Variants in PRKCQ observed in about 807,000 individuals in gnomAD.
PRKCQ encodes protein kinase C theta type.
A neutral mutation model predicts 91.2 loss-of-function variants in PRKCQ; 41 were observed. The ratio of observed to expected loss-of-function variants is 0.45; its 90% CI spans 0.35 to 0.58. The LOEUF is 0.58. PRKCQ is among the 20% of genes least tolerant of loss of function. The pLI is 0.00. For synonymous variants in PRKCQ, 307 were observed against 316.9 expected, an observed-to-expected ratio of 0.97 and a Z score of 0.33; for missense variants, 673 against 896.5, an observed-to-expected ratio of 0.75 and a Z score of 3.18.
the PRKCQ span, among the ~76,000 whole-genome samples, chr10:6,403,771 G>A: frequency 1.1e-3 from 166 of 151,996 alleles, no homozygotes; most frequent in Non-Finnish European, 1.3e-4. Flanking sequence ...ACTGAATTTT[G>A]TATTCCCAGT....
At chr10:6,531,231 T>C (rs1160947239) in intron 1 of PRKCQ, among the ~76,000 whole-genome samples, 2 of 152,020 alleles carry the variant, frequency 1.3e-5, no homozygotes, top group Non-Finnish European at 2.9e-5. Flanking sequence ...AAAGCTGCCC[T>C]GGAGTCAGCT....
At chr10:6,517,292 T>C (rs1482675920) in intron 1 of PRKCQ, among the ~76,000 whole-genome samples, 1 of 152,008 alleles carries the variant, frequency 6.6e-6, no homozygotes, top group East Asian at 1.9e-4. Flanking sequence ...AGAAATCAGT[T>C]ACTATTCTGA....
Position 6,427,697 on chromosome 10 carries a change from C to A in PRKCQ, c.*510G>T. 6.5e-6 allele frequency: 1 copy of A among 154,500 alleles called. No homozygotes were observed. Among genetic ancestry groups the A allele is most frequent in the Non-Finnish European group, 1.4e-5 (1 of 69,392 alleles). 9.6% of individuals were successfully genotyped at this position (154,500 alleles called of 1,614,324 possible). On this transcript the variant is annotated 3_prime_UTR_variant, in exon 18 of 18. Transcript: ENST00000263125. ...CCATAAAAACCTATCCAGGGCTGGC[C>A]CCCCAGCCATTTACACATCCACAGA...
chr10:6,564,010 C>T (rs1009003598), intron 1 of PRKCQ, among the ~76,000 whole-genome samples: 2 of 152,280 alleles, frequency 1.3e-5, no homozygotes, highest in Non-Finnish European at 2.9e-5. Flanking sequence ...TGAGGAAGTG[C>T]ACTCAGGCCT....
At chr10:6,555,399 A>G (rs771096118) in intron 1 of PRKCQ, among the ~76,000 whole-genome samples, 6 of 152,216 alleles carry the variant, frequency 3.9e-5, no homozygotes, top group Non-Finnish European at 8.8e-5. Flanking sequence ...TTCCTAAATG[A>G]TGCGTACACA....
intron 1 of PRKCQ, among the ~76,000 whole-genome samples, chr10:6,575,551 C>T (rs1841197318): frequency 6.6e-6 from 1 of 152,182 alleles, no homozygotes; most frequent in African/African-American, 2.4e-5. Context: ...CCTAGTCCCT[C>T]AGGTGCTGTG....
intron 8 of PRKCQ, 106 bp from the exon 9 acceptor site, chr10:6,486,250 A>C: frequency 2.3e-6 from 2 of 885,470 alleles, no homozygotes; most frequent in Non-Finnish European, 3.6e-6. Flanking sequence ...AGGAAAGCCT[A>C]AAGTGCCACG....
At chr10:6,490,515 C>G (rs563083449) in intron 8 of PRKCQ, among the ~76,000 whole-genome samples, 1 of 148,556 alleles carries the variant, frequency 6.7e-6, no homozygotes, top group Admixed American at 6.8e-5. Context: ...CGCTTGAACC[C>G]AGGAGTTTGA....
rs199890234 is a variant in PRKCQ at position 6,430,905 on chromosome 10, C to T, written c.1870G>A (p.Val624Met). ...FVREPEKRLG[V>M]RGDIRQHPLF... ...GGGTGCTGGCGGATGTCTCCCCTCA[C>T]GCCCAGCCTCTTCTCAGGTTCTCGC... is the stretch of plus-strand genomic sequence containing the variant. Residue 624 changes from valine (V) to methionine (M), a missense_variant, in exon 17 of 18, where the codon GTG becomes ATG. Val to Met is a conservative substitution (Grantham distance 21). Coordinates refer to ENST00000263125, the MANE Select transcript of PRKCQ (RefSeq NM_006257.5). This position sits in a 1 kb window ranked among gnomAD's most constrained non-coding sequence, Gnocchi z 4.7. 5.9e-5 allele frequency: 96 copies of T among 1,614,190 alleles called. No individual in the cohort carries two copies. Among genetic ancestry groups the T allele is most frequent in the Admixed American group, 3.0e-4 (18 of 60,026 alleles).
At chr10:6,554,348 G>T (rs1483967119) in intron 1 of PRKCQ, among the ~76,000 whole-genome samples, 1 of 152,078 alleles carries the variant, frequency 6.6e-6, no homozygotes, top group Non-Finnish European at 1.5e-5. Flanking sequence ...ATTAAAGTGT[G>T]GTTGGAACTG....
chr10:6,446,654 C>T (rs1392769690), intron 15 of PRKCQ, among the ~76,000 whole-genome samples: 2 of 151,894 alleles, frequency 1.3e-5, no homozygotes, highest in Non-Finnish European at 2.9e-5. Flanking sequence ...GCATGAGCCA[C>T]CATGCCCGGC....
intron 8 of PRKCQ, among the ~76,000 whole-genome samples, chr10:6,490,150 C>T (rs991965943): frequency 3.3e-5 from 5 of 152,034 alleles, no homozygotes; most frequent in African/African-American, 4.8e-5. Flanking sequence ...GGGCCAGGAA[C>T]GGATTCTTGA....
At position 6,565,028 on chromosome 10, in the gene PRKCQ, G is replaced by A. The variant is rs541781314; in HGVS notation, c.-10+15183C>T. On this transcript the variant is annotated intron_variant, in intron 1 of 17. Coordinates refer to ENST00000263125, the MANE Select transcript of PRKCQ (RefSeq NM_006257.5). ...CTATCTTGCAAAAGACTAAGAAAAT[G>A]TGGCATGTGGATTAAAATTCCCTGG... Among the ~76,000 whole-genome samples the A allele has an allele frequency of 5.3e-5, 8 of 152,346 alleles. No homozygotes were observed. The South Asian group carries it at 1.7e-3, about 32-fold the overall frequency.
At chr10:6,562,397 G>A (rs566626504) in intron 1 of PRKCQ, among the ~76,000 whole-genome samples, 7 of 152,126 alleles carry the variant, frequency 4.6e-5, no homozygotes, top group South Asian at 4.1e-4. Flanking sequence ...AGAGACGCAC[G>A]CTTCAGGGCC....
chr10:6,511,817 A>G (rs1358620844), intron 2 of PRKCQ, among the ~76,000 whole-genome samples: 2 of 152,182 alleles, frequency 1.3e-5, no homozygotes, highest in Non-Finnish European at 2.9e-5. Context: ...AGATAAAACA[A>G]ATGTAAATTC....
At chr10:6,563,425 T>C (rs191230226) in intron 1 of PRKCQ, among the ~76,000 whole-genome samples, 1 of 152,252 alleles carries the variant, frequency 6.6e-6, no homozygotes, top group Non-Finnish European at 1.5e-5. Context: ...CGTCCTGATG[T>C]TGGGCCATCT....
At chr10:6,507,755 A>G (rs1415869535) in intron 3 of PRKCQ, among the ~76,000 whole-genome samples, 1 of 152,216 alleles carries the variant, frequency 6.6e-6, no homozygotes, top group African/African-American at 2.4e-5. Flanking sequence ...AAATCCTAAA[A>G]CAGATTCTAT....
chr10:6,398,605 A>G, the PRKCQ span, among the ~76,000 whole-genome samples: 1 of 152,198 alleles, frequency 6.6e-6, no homozygotes, highest in African/African-American at 2.4e-5. Context: ...GATTTGCTCA[A>G]TGGACGTTTA....
At chr10:6,565,457 G>A (rs754302448) in intron 1 of PRKCQ, among the ~76,000 whole-genome samples, 31 of 152,096 alleles carry the variant, frequency 2.0e-4, no homozygotes, top group Non-Finnish European at 3.5e-4. Context: ...TTTCCTCTGC[G>A]AGCTCTAGCT....
Sources: gnomAD v4.1 joint callset for allele counts (sites outside exome capture counted in the v4.1 genomes callset) on GRCh38, gnomAD v4.1.1 for gene constraint, Gnocchi (gnomAD v3.1) non-coding constraint, MANE v1.5 for transcripts, NCBI Gene and HGNC (gene_info 2026-07-23, HGNC 2026-07-21) for gene names.